Variants in ENTPD1 observed in about 807,000 individuals in gnomAD.
The protein encoded by ENTPD1 is ATP diphosphohydrolase.
ENTPD1 carries 33 observed loss-of-function variants against 57.0 expected under a neutral mutation model. The ratio of observed to expected loss-of-function variants is 0.58; its 90% CI spans 0.44 to 0.77. ENTPD1 has a LOEUF of 0.77. Ranked by LOEUF, ENTPD1 falls within the 30% of genes least tolerant of loss-of-function variation. ENTPD1 has a pLI of 0.00. For synonymous variants in ENTPD1, 202 were observed against 218.8 expected (o/e 0.92, Z 0.68); for missense variants, 501 against 603.4 (o/e 0.83, Z 1.78).
chr10:95,748,458 T>C (rs547488760), intron 1 of ENTPD1, among the ~76,000 whole-genome samples: 6 of 152,304 alleles, frequency 3.9e-5, no homozygotes, highest in African/African-American at 1.4e-4. Flanking sequence ...CATATCCCCA[T>C]ATACCATCCA....
intron 1 of ENTPD1, among the ~76,000 whole-genome samples, chr10:95,730,753 G>A (rs912253906): frequency 1.3e-5 from 2 of 152,220 alleles, no homozygotes; most frequent in African/African-American, 2.4e-5. Flanking sequence ...AAAAATAGTG[G>A]CATTTCTTTT....
intron 1 of ENTPD1, among the ~76,000 whole-genome samples, chr10:95,734,093 GCCCCCTCACCACACT>G (rs1185403203): frequency 6.6e-6 from 1 of 152,144 alleles, no homozygotes; most frequent in Non-Finnish European, 1.5e-5. Context: ...CTGAGGCAAA[GCCCCCTCACCACACT>G]CCCCCTTTCC....
chr10:95,838,921 C>G (rs1029029603), intron 2 of ENTPD1, among the ~76,000 whole-genome samples: 2 of 152,016 alleles, frequency 1.3e-5, no homozygotes, highest in Non-Finnish European at 2.9e-5. Context: ...ACTTTCTTTC[C>G]TCCTTTTTTT....
the ENTPD1 span, among the ~76,000 whole-genome samples, chr10:95,695,562 G>T: frequency 6.6e-6 from 1 of 152,106 alleles, no homozygotes; most frequent in Non-Finnish European, 1.5e-5. Flanking sequence ...GTCTCTCTGT[G>T]TTATAAATAT....
At chr10:95,789,066 T>C (rs2098192432) in intron 1 of ENTPD1, among the ~76,000 whole-genome samples, 1 of 152,196 alleles carries the variant, frequency 6.6e-6, no homozygotes, top group Admixed American at 6.6e-5. Flanking sequence ...GAATGCATAG[T>C]GATCATGGAT....
intron 1 of ENTPD1, among the ~76,000 whole-genome samples, chr10:95,785,645 T>C (rs1017108606): frequency 5.3e-5 from 8 of 152,060 alleles, no homozygotes; most frequent in African/African-American, 1.9e-4. Context: ...GGGAGGTGGA[T>C]AGGTGGGGGA....
intron 3 of ENTPD1, among the ~76,000 whole-genome samples, 167 bp from the exon 4 acceptor site, chr10:95,842,177 G>A (rs1269749245): frequency 1.3e-5 from 2 of 152,130 alleles, no homozygotes; most frequent in African/African-American, 4.8e-5. Flanking sequence ...ATCCTCTCAA[G>A]GCTAGGTCCA....
chr10:95,731,658 A>G (rs1244440288), intron 1 of ENTPD1, among the ~76,000 whole-genome samples: 10 of 152,026 alleles, frequency 6.6e-5, no homozygotes, highest in Admixed American at 6.6e-4. Flanking sequence ...AACAGCTATG[A>G]GCTGTATTCT....
chr10:95,823,239 T>G lies in ENTPD1; in HGVS notation c.19T>G (p.Ser7Ala), dbSNP rs201306382. 6.6e-5 allele frequency: 106 copies of G among 1,614,050 alleles called. No individual in the cohort carries two copies. The highest frequency in any genetic ancestry group is 8.9e-5 in the Non-Finnish European group (105 of 1,179,950). Residue 7 changes from serine to alanine, a missense_variant and splice_region_variant, in exon 2 of 10, where the codon TCT becomes GCT. Transcript: ENST00000371205. MEDTKE[S>A]NVKTFCSKNI... ...TTTTCTTCTGCTTTTGGTTTTAGAG[T>G]CTAACGTGAAGACATTTTGCTCCAA...
chr10:95,798,317 G>A (rs1474169080), intron 1 of ENTPD1, among the ~76,000 whole-genome samples: 1 of 152,084 alleles, frequency 6.6e-6, no homozygotes, highest in African/African-American at 2.4e-5. Flanking sequence ...GTTTAGAAAG[G>A]CACTTATTGC....
In ENTPD1 at chr10:95,877,190, A is replaced by G. The variant is rs1301703771; in HGVS notation, c.*10807A>G. On this transcript the variant is annotated 3_prime_UTR_variant, in exon 10 of 10. Transcript: ENST00000371205. ...TGAGAAGGTGGAAAATGCAAATTAT[A>G]TACTTTAAAATGTAATTTTTGCTTT... Among the ~76,000 whole-genome samples, 2 of 152,246 alleles carry G rather than the reference A, an allele frequency of 1.3e-5. No homozygotes were observed. The highest frequency in any genetic ancestry group is 4.8e-5 in the African/African-American group (2 of 41,466).
chr10:95,773,321 T>A (rs899381961), intron 1 of ENTPD1, among the ~76,000 whole-genome samples: 4 of 152,212 alleles, frequency 2.6e-5, no homozygotes, highest in African/African-American at 7.2e-5. Flanking sequence ...GATGTTGTAT[T>A]AGCAGGCATG....
intron 7 of ENTPD1, among the ~76,000 whole-genome samples, chr10:95,852,204 A>G (rs1298522753): frequency 6.6e-6 from 1 of 152,084 alleles, no homozygotes; most frequent in African/African-American, 2.4e-5. Flanking sequence ...TTTTTCATGT[A>G]TCTGTTGGCT....
At chr10:95,779,419 G>T (rs7096610) in intron 1 of ENTPD1, among the ~76,000 whole-genome samples, 127,893 of 152,148 alleles carry the variant, frequency 0.84, 54,550 homozygotes, top group African/African-American at 0.96. Context: ...TCACTTTAAG[G>T]GTGTGTCTAT....
rs1180507922 is a variant in ENTPD1 at position 95,866,499 on chromosome 10, A to G, written c.*116A>G. 6.5e-7 allele frequency: 1 copy of G among 1,545,754 alleles called. No individual in the cohort carries two copies. The highest frequency in any genetic ancestry group is 8.7e-7 in the Non-Finnish European group (1 of 1,146,992). On this transcript the variant is annotated 3_prime_UTR_variant, in exon 10 of 10. Coordinates refer to ENST00000371205, the MANE Select transcript of ENTPD1 (RefSeq NM_001776.6). ...CTGTCTGCCAGGGCCAGTCTTGACG[A>G]GTGTGAAGCTTCCTTGGCTTTTACT...
chr10:95,772,793 C>G (rs910473856), intron 1 of ENTPD1, among the ~76,000 whole-genome samples: 2 of 152,142 alleles, frequency 1.3e-5, no homozygotes, highest in African/African-American at 4.8e-5. Context: ...TTACTTTGCC[C>G]AGGTCCAACA....
chr10:95,830,811 G>GA (rs963930835), intron 2 of ENTPD1, among the ~76,000 whole-genome samples: 85 of 151,580 alleles, frequency 5.6e-4, no homozygotes, highest in African/African-American at 1.8e-3. Flanking sequence ...TCAAAAAAAA[G>GA]AAAAAAAAGC....
At position 95,821,017 on chromosome 10, in the gene ENTPD1, T is replaced by C. The variant is rs562263161; in HGVS notation, c.17-2220T>C. Among the ~76,000 whole-genome samples, 7 of 152,346 alleles carry C rather than the reference T, an allele frequency of 4.6e-5. No homozygotes were observed. In the South Asian group the frequency reaches 1.4e-3, roughly 32 times the overall value. On this transcript the variant is annotated intron_variant, in intron 1 of 9. Transcript: ENST00000371205. The stretch of plus-strand genomic sequence containing the variant: ...AGGGAGTAAAACATTCAAAATTTTA[T>C]TATGGTAGAAACATTGCTACAGTTT...
At chr10:95,827,315 C>A (rs919133529) in intron 2 of ENTPD1, among the ~76,000 whole-genome samples, 5 of 151,808 alleles carry the variant, frequency 3.3e-5, no homozygotes, top group Admixed American at 1.3e-4. Flanking sequence ...ATTAGCCGGG[C>A]GTGGTGGTAG....
Sources: gnomAD v4.1 joint callset for allele counts (sites outside exome capture counted in the v4.1 genomes callset) on GRCh38, gnomAD v4.1.1 for gene constraint, MANE v1.5 for transcripts, NCBI Gene and HGNC (gene_info 2026-07-23, HGNC 2026-07-21) for gene names.